COMMD10: variants seen among roughly 807,000 people sequenced by gnomAD.
COMMD10 encodes the protein COMM domain-containing protein 10.
Under a neutral mutation model 28.9 loss-of-function variants are expected in COMMD10, and 33 were observed. The ratio of observed to expected loss-of-function variants is 1.14; its 90% CI spans 0.87 to 1.53. COMMD10 has a LOEUF of 1.53. Among genes scored for constraint, COMMD10 ranks in the 40% most tolerant of loss-of-function variants. COMMD10 has a pLI of 0.00. For missense variants in COMMD10, 310 were observed against 233.4 expected, an observed-to-expected ratio of 1.33 and a Z score of -2.14; for synonymous variants, 110 against 81.7, an observed-to-expected ratio of 1.35 and a Z score of -1.87.
intron 5 of COMMD10, among the ~76,000 whole-genome samples, chr5:116,185,763 A>G (rs962588473): frequency 3.3e-5 from 5 of 152,118 alleles, no homozygotes; most frequent in African/African-American, 1.2e-4. Context: ...TAAATAACAA[A>G]TACATCTTGC....
At chr5:116,256,692 C>G (rs1315960277) in intron 5 of COMMD10, among the ~76,000 whole-genome samples, 1 of 151,668 alleles carries the variant, frequency 6.6e-6, no homozygotes, top group African/African-American at 2.4e-5. Context: ...GGATGGGACC[C>G]AAGTCTTAAC....
intron 5 of COMMD10, among the ~76,000 whole-genome samples, chr5:116,257,679 G>A (rs1304097238): frequency 4.0e-5 from 6 of 151,644 alleles, no homozygotes; most frequent in South Asian, 2.1e-4. Flanking sequence ...CATTTAAGGC[G>A]ATCAGCTCTT....
At chr5:116,195,083 G>T (rs981237181) in intron 5 of COMMD10, among the ~76,000 whole-genome samples, 1 of 152,028 alleles carries the variant, frequency 6.6e-6, no homozygotes, top group African/African-American at 2.4e-5. Context: ...TATCTCAATC[G>T]ATGCAGAAAA....
chr5:116,112,536 G>A (rs2112738848), intron 4 of COMMD10, among the ~76,000 whole-genome samples: 2 of 152,064 alleles, frequency 1.3e-5, no homozygotes, highest in South Asian at 4.2e-4. Context: ...AGCTGTGACT[G>A]TATATAGGTG....
intron 5 of COMMD10, among the ~76,000 whole-genome samples, chr5:116,177,279 A>G (rs531236780): frequency 4.8e-4 from 70 of 146,200 alleles, no homozygotes; most frequent in African/African-American, 1.9e-3. Flanking sequence ...TTGAGAAAGG[A>G]AAGAAAGAGA....
chr5:116,089,668 T>A (rs1001097021), intron 2 of COMMD10, among the ~76,000 whole-genome samples: 4 of 152,246 alleles, frequency 2.6e-5, no homozygotes, highest in Non-Finnish European at 5.9e-5. Context: ...GCTTGAATGC[T>A]TTGCCATCAG....
intron 5 of COMMD10, among the ~76,000 whole-genome samples, chr5:116,193,829 C>T (rs1407567858): frequency 6.6e-6 from 1 of 152,068 alleles, no homozygotes; most frequent in Non-Finnish European, 1.5e-5. Flanking sequence ...CAGATACATG[C>T]AGAACATTTT....
At chr5:116,248,432 TACAA>T (rs1430471623) in intron 5 of COMMD10, among the ~76,000 whole-genome samples, 3 of 152,056 alleles carry the variant, frequency 2.0e-5, no homozygotes, top group Non-Finnish European at 2.9e-5. Flanking sequence ...TAAGGTTATT[TACAA>T]CAAAGACTCC....
chr5:116,095,168 A>G (rs1750427416), intron 4 of COMMD10, among the ~76,000 whole-genome samples: 1 of 152,212 alleles, frequency 6.6e-6, no homozygotes, highest in Admixed American at 6.5e-5. Flanking sequence ...AGCTAGAATT[A>G]AGGAAGTGAA....
At position 116,208,580 on chromosome 5, in the gene COMMD10, G is replaced by A. The variant is rs529653978; in HGVS notation, c.510+74402G>A. On this transcript the variant is annotated intron_variant, in intron 5 of 6. Transcript: ENST00000274458. The stretch of plus-strand genomic sequence containing the variant: ...ATAGGGACCACAGTAATCTACCTTG[G>A]TCTATGTGACACTTGCACCTTTAGT... Among the ~76,000 whole-genome samples, 5 of 152,166 alleles carry A rather than the reference G, an allele frequency of 3.3e-5. No individual in the cohort carries two copies. In the East Asian group the frequency reaches 9.7e-4, roughly 29 times the overall value.
At chr5:116,289,616 T>A (rs1249682394) in intron 5 of COMMD10, among the ~76,000 whole-genome samples, 1 of 151,872 alleles carries the variant, frequency 6.6e-6, no homozygotes, top group Non-Finnish European at 1.5e-5. Context: ...AGCCAGAATG[T>A]TGGATGTATG....
chr5:116,209,128 TTC>T (rs1242094046), intron 5 of COMMD10, among the ~76,000 whole-genome samples: 1 of 152,094 alleles, frequency 6.6e-6, no homozygotes, highest in African/African-American at 2.4e-5. Flanking sequence ...AACTTTTTTT[TTC>T]TTTTTGTTTG....
Position 116,208,737 on chromosome 5 carries a change from GTGAT to G in COMMD10, c.510+74563_510+74566del, listed in dbSNP as rs1431066214. Among the ~76,000 whole-genome samples, 8 of 152,194 alleles carry G rather than the reference GTGAT, an allele frequency of 5.3e-5. No homozygotes were observed. The East Asian group carries it at 1.4e-3, about 26-fold the overall frequency. On this transcript the variant is annotated intron_variant, in intron 5 of 6. Coordinates refer to ENST00000274458, the MANE Select transcript of COMMD10 (RefSeq NM_016144.4). ...CTTGCTTTTTCACTAAGCTTTCTCT[GTGAT>G]TGAGAACAAACAGGGAAGTCTGAAC...
At chr5:116,273,317 C>T (rs1441862025) in intron 5 of COMMD10, among the ~76,000 whole-genome samples, 1 of 151,696 alleles carries the variant, frequency 6.6e-6, no homozygotes, top group Non-Finnish European at 1.5e-5. Context: ...TTCCCTATTC[C>T]ATTAAATCTA....
chr5:116,195,262 G>A (rs1748480073), intron 5 of COMMD10, among the ~76,000 whole-genome samples: 2 of 152,080 alleles, frequency 1.3e-5, no homozygotes, highest in Admixed American at 6.6e-5. Context: ...AACAAGATAA[G>A]GATACCTACT....
intron 5 of COMMD10, among the ~76,000 whole-genome samples, chr5:116,143,987 A>C (rs1752268788): frequency 6.6e-6 from 1 of 151,898 alleles, no homozygotes; most frequent in South Asian, 2.1e-4. Context: ...TGTGACAGGC[A>C]GAGAAGTTTT....
chr5:116,265,573 T>C (rs1015786384), intron 5 of COMMD10, among the ~76,000 whole-genome samples: 2 of 151,560 alleles, frequency 1.3e-5, no homozygotes, highest in Admixed American at 6.6e-5. Context: ...TTTGAAAACT[T>C]AAAAAAAATT....
At chr5:116,206,439 T>C (rs997480170) in intron 5 of COMMD10, among the ~76,000 whole-genome samples, 12 of 152,096 alleles carry the variant, frequency 7.9e-5, no homozygotes, top group African/African-American at 2.9e-4. Context: ...TCACCTGAGG[T>C]CAGGAGTTCA....
At chr5:116,173,121 G>A (rs1314055079) in intron 5 of COMMD10, among the ~76,000 whole-genome samples, 4 of 151,966 alleles carry the variant, frequency 2.6e-5, no homozygotes, top group African/African-American at 9.7e-5. Flanking sequence ...TAAGGTTAAG[G>A]TAAAGTCATA....
Sources: gnomAD v4.1 joint callset for allele counts (sites outside exome capture counted in the v4.1 genomes callset) on GRCh38, gnomAD v4.1.1 for gene constraint, MANE v1.5 for transcripts, NCBI Gene and HGNC (gene_info 2026-07-23, HGNC 2026-07-21) for gene names.